The following FAAH2 variants were observed in gnomAD, a reference collection of about 807,000 sequenced individuals.
FAAH2 encodes fatty-acid amide hydrolase 2.
In FAAH2, 60 loss-of-function variants were observed where a neutral mutation model predicts 36.9. The observed-to-expected ratio is 1.63, with a 90% CI of 1.32 to 2.02. FAAH2 has a LOEUF of 2.02. Ranked by LOEUF, FAAH2 falls within the 30% of genes most tolerant of loss-of-function variation. The probability of loss-of-function intolerance (pLI) is 0.00; values close to 1 mark genes in which losing one functional copy is unlikely to be tolerated. For synonymous variants in FAAH2, 214 were observed against 143.8 expected (o/e 1.49, Z -3.49); for missense variants, 689 against 397.5 (o/e 1.73, Z -6.23).
At chrX:57,280,879 A>G in the FAAH2 span, among the ~76,000 whole-genome samples, 1 of 112,586 alleles carries the variant, frequency 8.9e-6, no homozygotes, top group Non-Finnish European at 1.9e-5. Flanking sequence ...GTAATGGAAT[A>G]CTAGGTAACA....
At chrX:57,466,771 T>C (rs1480692922) in intron 10 of FAAH2, among the ~76,000 whole-genome samples, 1 of 111,666 alleles carries the variant, frequency 9.0e-6, no homozygotes, top group Non-Finnish European at 1.9e-5. Flanking sequence ...ACAAGGCTTC[T>C]ATTGAAAGGC....
chrX:57,253,903 G>A, the FAAH2 span, among the ~76,000 whole-genome samples: 1 of 111,276 alleles, frequency 9.0e-6, no homozygotes, highest in African/African-American at 3.3e-5. Flanking sequence ...ATAATGACAG[G>A]GTCAAATTCA....
At chrX:57,151,571 A>G in the FAAH2 span, among the ~76,000 whole-genome samples, 2 of 111,302 alleles carry the variant, frequency 1.8e-5, no homozygotes, top group African/African-American at 6.5e-5. Flanking sequence ...AGTCTTCTGC[A>G]TTGTTCATGT....
chrX:57,165,512 G>A, the FAAH2 span, among the ~76,000 whole-genome samples: 20 of 109,352 alleles, frequency 1.8e-4, no homozygotes, highest in African/African-American at 6.3e-4. Flanking sequence ...GACACAGGAA[G>A]GGGAATATCA....
chrX:57,288,343 T>C (rs1363821881), intron 1 of FAAH2, among the ~76,000 whole-genome samples: 2 of 74,325 alleles, frequency 2.7e-5, no homozygotes, highest in African/African-American at 5.8e-5. Flanking sequence ...CATTTCTTTT[T>C]TTTTTTTTTT....
chrX:57,222,456 A>G, the FAAH2 span, among the ~76,000 whole-genome samples: 239 of 111,594 alleles, frequency 2.1e-3, 2 homozygotes, highest in Non-Finnish European at 3.3e-3. Context: ...GTTGTTGCCT[A>G]CCTCTCTAAA....
the FAAH2 span, among the ~76,000 whole-genome samples, chrX:57,186,033 G>T: frequency 9.0e-6 from 1 of 111,296 alleles, no homozygotes; most frequent in Non-Finnish European, 1.9e-5. Flanking sequence ...ACATACATGT[G>T]CAGGAGTCTT....
the FAAH2 span, among the ~76,000 whole-genome samples, chrX:57,246,335 A>G: frequency 8.9e-6 from 1 of 112,001 alleles, no homozygotes; most frequent in East Asian, 2.8e-4. Flanking sequence ...AAACTATTCC[A>G]AACAATAGAA....
At chrX:57,393,398 A>G (rs1283490855) in intron 7 of FAAH2, 2 of 741,370 alleles carry the variant, frequency 2.7e-6, no homozygotes, top group African/African-American at 4.2e-5. Flanking sequence ...CTGGGATTTG[A>G]TGTTAAGAAA....
chrX:57,473,546 G>T (rs2057208247), intron 10 of FAAH2, among the ~76,000 whole-genome samples: 1 of 111,276 alleles, frequency 9.0e-6, no homozygotes, highest in African/African-American at 3.3e-5. Flanking sequence ...ACGTCCATTT[G>T]ATCTATAATC....
At chrX:57,209,042 G>T in the FAAH2 span, among the ~76,000 whole-genome samples, 35 of 111,693 alleles carry the variant, frequency 3.1e-4, no homozygotes, top group African/African-American at 1.1e-3. Context: ...TTGGGGGCCT[G>T]TTCTCAACAG....
In FAAH2 at chrX:57,331,760, G is replaced by A. The variant is rs201024763; in HGVS notation, c.575G>A (p.Arg192Gln). 55 of 1,209,645 alleles carry A rather than the reference G, an allele frequency of 4.5e-5. No individual in the cohort carries two copies. Among genetic ancestry groups the A allele is most frequent in the South Asian group, 3.7e-4 (21 of 56,791 alleles). ...GAATCCAGTAACAAGATCTATGGCC[G>A]ATCAAACAACCCATATGATTTACAG... ...WYESSNKIYG[R>Q]SNNPYDLQHI... Residue 192 changes from arginine (R) to glutamine (Q), a missense_variant, in exon 4 of 11, where the codon CGA becomes CAA. By Grantham distance (43) the Arg-to-Gln change is conservative (BLOSUM62 1). Transcript: ENST00000374900.
chrX:57,366,581 C>T (rs992273642), intron 5 of FAAH2, among the ~76,000 whole-genome samples: 52 of 112,348 alleles, frequency 4.6e-4, no homozygotes, highest in African/African-American at 1.5e-3. Flanking sequence ...GTTTTCCATA[C>T]GCATGTGCAT....
chrX:57,468,537 A>C (rs1358123182), intron 10 of FAAH2, among the ~76,000 whole-genome samples: 1 of 111,899 alleles, frequency 8.9e-6, no homozygotes, highest in Non-Finnish European at 1.9e-5. Context: ...TGAGAACAGA[A>C]GTTTACAGAA....
At chrX:57,255,399 G>C in the FAAH2 span, among the ~76,000 whole-genome samples, 1 of 112,058 alleles carries the variant, frequency 8.9e-6, no homozygotes, top group African/African-American at 3.2e-5. Flanking sequence ...AGTAGAAAAA[G>C]AGGGAATCCT....
chrX:57,302,792 G>A (rs2052413299), intron 2 of FAAH2, among the ~76,000 whole-genome samples: 1 of 110,598 alleles, frequency 9.0e-6, no homozygotes, highest in Non-Finnish European at 1.9e-5. Context: ...AACCCACATT[G>A]GCCAGCCTAT....
the FAAH2 span, among the ~76,000 whole-genome samples, chrX:57,196,658 T>A: frequency 8.9e-6 from 1 of 112,010 alleles, no homozygotes; most frequent in African/African-American, 3.2e-5. Flanking sequence ...GGGAAAATAT[T>A]TTCAACTTGT....
the FAAH2 span, among the ~76,000 whole-genome samples, chrX:57,165,820 C>A: frequency 1.8e-5 from 2 of 111,103 alleles, no homozygotes; most frequent in African/African-American, 6.6e-5. Flanking sequence ...GGGTCCCTGG[C>A]AAGAACTCCA....
At chrX:57,205,817 G>A in the FAAH2 span, among the ~76,000 whole-genome samples, 4 of 112,021 alleles carry the variant, frequency 3.6e-5, no homozygotes, top group South Asian at 7.4e-4. Flanking sequence ...CAGCTAAATG[G>A]GTTTGCCAAA....
Sources: gnomAD v4.1 joint callset for allele counts (sites outside exome capture counted in the v4.1 genomes callset) on GRCh38, gnomAD v4.1.1 for gene constraint, MANE v1.5 for transcripts, NCBI Gene and HGNC (gene_info 2026-07-23, HGNC 2026-07-21) for gene names.